The following SLC71A2 variants were observed in gnomAD, a reference collection of about 807,000 sequenced individuals.
SLC71A2 encodes the protein hippocampus abundant transcript-like 1.
chr9:94,390,123 A>G, the SLC71A2 span, among the ~76,000 whole-genome samples: 10,439 of 152,196 alleles, frequency 0.069, 455 homozygotes, highest in Non-Finnish European at 0.1. Flanking sequence ...CTGAGGCAGG[A>G]GAATGGCGTG....
At chr9:94,426,414 A>T in the SLC71A2 span, among the ~76,000 whole-genome samples, 1 of 152,164 alleles carries the variant, frequency 6.6e-6, no homozygotes, top group Non-Finnish European at 1.5e-5. Flanking sequence ...GGGTTCTGGA[A>T]AATGAACTTC....
At chr9:94,374,764 C>G in the SLC71A2 span, 3 of 292,520 alleles carry the variant, frequency 1.0e-5, no homozygotes, top group East Asian at 1.8e-4. Flanking sequence ...GCCGCCGCCT[C>G]CGCGGCGTCG....
At chr9:94,435,647 CTTCTTT>C in the SLC71A2 span, among the ~76,000 whole-genome samples, 6 of 81,814 alleles carry the variant, frequency 7.3e-5, no homozygotes, top group South Asian at 4.1e-4. Context: ...CTTTTTCCTT[CTTCTTT>C]TTTTTTTTTT....
the SLC71A2 span, among the ~76,000 whole-genome samples, chr9:94,391,117 C>T: frequency 6.7e-6 from 1 of 149,872 alleles, no homozygotes; most frequent in Admixed American, 6.7e-5. Context: ...TAGCTCACAC[C>T]TGTAATTCCA....
chr9:94,448,591 G>T, the SLC71A2 span, among the ~76,000 whole-genome samples: 1 of 152,188 alleles, frequency 6.6e-6, no homozygotes, highest in African/African-American at 2.4e-5. Flanking sequence ...TTTCCTGAGG[G>T]TATGGGACTA....
the SLC71A2 span, among the ~76,000 whole-genome samples, chr9:94,416,145 A>G: frequency 6.6e-6 from 1 of 152,340 alleles, no homozygotes; most frequent in Non-Finnish European, 1.5e-5. Context: ...TAGGTGGCTT[A>G]CAACTATTTA....
At chr9:94,451,427 A>C in the SLC71A2 span, 1 of 1,154,538 alleles carries the variant, frequency 8.7e-7, no homozygotes, top group Non-Finnish European at 1.2e-6. Context: ...TATCTATATT[A>C]CTAAAGTGTT....
the SLC71A2 span, among the ~76,000 whole-genome samples, chr9:94,401,998 A>G: frequency 6.6e-6 from 1 of 152,130 alleles, no homozygotes; most frequent in East Asian, 1.9e-4. Flanking sequence ...ACATTTGTAA[A>G]CTGTCATGGC....
the SLC71A2 span, among the ~76,000 whole-genome samples, chr9:94,380,525 TG>T: frequency 1.5e-5 from 1 of 66,708 alleles, no homozygotes; most frequent in Non-Finnish European, 3.0e-5. Context: ...TGGAGTGCAG[TG>T]GTGTGATTAT....
At chr9:94,448,504 G>A in the SLC71A2 span, among the ~76,000 whole-genome samples, 1 of 152,156 alleles carries the variant, frequency 6.6e-6, no homozygotes, top group East Asian at 1.9e-4. Flanking sequence ...GACACAGCAA[G>A]CTTCCTCCTA....
chr9:94,425,246 G>A, the SLC71A2 span, among the ~76,000 whole-genome samples: 1 of 152,108 alleles, frequency 6.6e-6, no homozygotes. Context: ...GGAGGTTGTG[G>A]TGAGCCGAGA....
chr9:94,444,907 G>C, the SLC71A2 span: 2 of 1,523,686 alleles, frequency 1.3e-6, no homozygotes, highest in Non-Finnish European at 1.8e-6. Context: ...GTAAGGATAT[G>C]CTTTCCCCAG....
chr9:94,409,129 CTT>C, the SLC71A2 span, among the ~76,000 whole-genome samples: 119 of 68,222 alleles, frequency 1.7e-3, 2 homozygotes, highest in Middle Eastern at 0.024. Flanking sequence ...GCCCGGCCTC[CTT>C]TTTTTTTTTT....
the SLC71A2 span, among the ~76,000 whole-genome samples, chr9:94,456,774 T>C: frequency 3.4e-4 from 52 of 152,152 alleles, no homozygotes; most frequent in East Asian, 8.1e-3. Context: ...AGTTTGAGAG[T>C]AGTAAGAAAA....
the SLC71A2 span, among the ~76,000 whole-genome samples, chr9:94,408,620 C>T: frequency 6.6e-6 from 1 of 151,292 alleles, no homozygotes; most frequent in East Asian, 1.9e-4. Context: ...CATTTTGTTT[C>T]ATTTATCCAG....
the SLC71A2 span, among the ~76,000 whole-genome samples, chr9:94,413,665 A>AG: frequency 6.6e-6 from 1 of 150,876 alleles, no homozygotes; most frequent in African/African-American, 2.4e-5. Flanking sequence ...ATCTCAAAAA[A>AG]AAAAAAAAAA....
At chr9:94,453,935 G>C in the SLC71A2 span, 1 of 1,480,402 alleles carries the variant, frequency 6.8e-7, no homozygotes, top group Non-Finnish European at 9.4e-7. Flanking sequence ...TGGTTTTTCA[G>C]AGTTGTCTCC....
chr9:94,377,505 G>A, the SLC71A2 span, among the ~76,000 whole-genome samples: 1 of 146,062 alleles, frequency 6.8e-6, no homozygotes, highest in East Asian at 2.0e-4. Flanking sequence ...GAGTAGCTGG[G>A]ACAACAGATA....
the SLC71A2 span, among the ~76,000 whole-genome samples, chr9:94,385,426 C>A: frequency 3.3e-5 from 5 of 152,176 alleles, no homozygotes; most frequent in African/African-American, 4.8e-5. Context: ...CAACTTCTCT[C>A]TCTCTTTTCT....
Sources: allele counts gnomAD v4.1 joint callset (sites outside exome capture counted in the v4.1 genomes callset), GRCh38; gene constraint gnomAD v4.1.1; transcripts MANE v1.5; gene names NCBI Gene and HGNC (gene_info 2026-07-23, HGNC 2026-07-21).